Variants in LRP2BP observed in about 807,000 individuals in gnomAD.
The protein encoded by LRP2BP is LRP2 binding protein.
Under a neutral mutation model 45.2 loss-of-function variants are expected in LRP2BP, and 38 were observed. That is an observed-to-expected ratio of 0.84 (90% CI 0.65 to 1.10). The LOEUF (loss-of-function observed/expected upper bound fraction) is 1.10. Among genes scored for constraint, LRP2BP ranks in the 50% least tolerant of loss-of-function variants. LRP2BP has a pLI of 0.00. For missense variants in LRP2BP, 385 were observed against 418.9 expected (o/e 0.92, Z 0.71); for synonymous variants, 153 against 153.9 (o/e 0.99, Z 0.04).
Position 185,367,182 on chromosome 4 carries a change from A to C in LRP2BP, c.1042T>G (p.Ter348GluextTer12), listed in dbSNP as rs780090604. 22 of 1,611,946 alleles carry C rather than the reference A, an allele frequency of 1.4e-5. No homozygotes were observed. The highest frequency in any genetic ancestry group is 1.9e-5 in the Non-Finnish European group (22 of 1,178,582). Residue 348 changes from the stop codon to glutamate (E), a stop_lost, in exon 9 of 9, where the codon TAG (stop) becomes GAG (glutamate). Transcript: ENST00000505916. ...LHSLLIRQRI[*>E] The stretch of plus-strand genomic sequence containing the variant: ...TCTTTGTTGAAATACATTGTGGTCT[A>C]AATTCTTTGACGAATAAGTAAGGAG...
At chr4:185,394,189 A>T (rs1306939198) in intron 1 of LRP2BP, among the ~76,000 whole-genome samples, 2 of 151,426 alleles carry the variant, frequency 1.3e-5, no homozygotes, top group Non-Finnish European at 2.9e-5. Context: ...ACCCGGGAAG[A>T]CGGAGGTTGC....
intron 8 of LRP2BP, among the ~76,000 whole-genome samples, chr4:185,368,759 C>T (rs1444974132): frequency 6.6e-6 from 1 of 150,856 alleles, no homozygotes; most frequent in African/African-American, 2.4e-5. Flanking sequence ...TTTCTCCCAT[C>T]GTATGGAAAA....
chr4:185,390,163 T>C (rs894716202), intron 1 of LRP2BP, among the ~76,000 whole-genome samples: 1 of 152,188 alleles, frequency 6.6e-6, no homozygotes, highest in Non-Finnish European at 1.5e-5. Flanking sequence ...TTGAAAGCAT[T>C]CATTTTCTTA....
chr4:185,377,135 A>G, intron 2 of LRP2BP, 117 bp from the exon 3 acceptor site: 1 of 766,604 alleles, frequency 1.3e-6, no homozygotes, highest in Non-Finnish European at 2.2e-6. Flanking sequence ...TCTAGTGCTC[A>G]TTCCTACAAC....
At chr4:185,379,061 G>A (rs935931570) in intron 1 of LRP2BP, 1 of 747,198 alleles carries the variant, frequency 1.3e-6, no homozygotes, top group Non-Finnish European at 1.6e-6. Flanking sequence ...ATTTAGTAGG[G>A]GAAAAAAATC....
At chr4:185,372,792 T>A in intron 7 of LRP2BP, 64 bp downstream of exon 7, 1 of 1,354,998 alleles carries the variant, frequency 7.4e-7, no homozygotes, top group Non-Finnish European at 1.0e-6. Context: ...AATTTCTGTT[T>A]CTCATAAATT....
At chr4:185,378,532 C>T (rs2095445822) in intron 1 of LRP2BP, 2 of 1,045,198 alleles carry the variant, frequency 1.9e-6, no homozygotes, top group Non-Finnish European at 2.3e-6. Flanking sequence ...CTTAGTGGGA[C>T]CTGGTGACAC....
chr4:185,377,133 T>C (rs1358394268), intron 2 of LRP2BP, 115 bp from the exon 3 acceptor site: 9 of 771,566 alleles, frequency 1.2e-5, no homozygotes, highest in Non-Finnish European at 2.0e-5. Flanking sequence ...TTTCTAGTGC[T>C]CATTCCTACA....
At position 185,365,945 on chromosome 4, in the gene LRP2BP, T is replaced by C. The variant is rs917341567; in HGVS notation, c.*1235A>G. The C allele has an allele frequency of 2.6e-5, 4 of 152,202 alleles. No individual in the cohort carries two copies. Among genetic ancestry groups the C allele is most frequent in the African/African-American group, 9.7e-5 (4 of 41,448 alleles). 9.4% of individuals were successfully genotyped at this position (152,202 alleles called of 1,614,324 possible). The stretch of plus-strand genomic sequence containing the variant: ...CAGAACATAAAACGAGAGCAAATAC[T>C]TTTCTGCCATTCAACAGTTCTTAGT... On this transcript the variant is annotated 3_prime_UTR_variant, in exon 9 of 9. Transcript: ENST00000505916.
intron 1 of LRP2BP, among the ~76,000 whole-genome samples, chr4:185,385,916 G>GGT (rs758927819): frequency 2.9e-5 from 4 of 138,116 alleles, no homozygotes; most frequent in Admixed American, 7.2e-5. Flanking sequence ...GGGGGGGGGG[G>GGT]AGATAAAGAA....
chr4:185,384,565 T>A (rs940659426), intron 1 of LRP2BP, among the ~76,000 whole-genome samples: 17 of 151,516 alleles, frequency 1.1e-4, no homozygotes, highest in African/African-American at 4.1e-4. Flanking sequence ...AATGAAATAA[T>A]GAATAGCTGT....
chr4:185,386,636 C>T (rs923438577), intron 1 of LRP2BP, among the ~76,000 whole-genome samples: 2 of 152,170 alleles, frequency 1.3e-5, no homozygotes, highest in Non-Finnish European at 2.9e-5. Context: ...CAAGCTGCAT[C>T]CTCACTAGTC....
intron 1 of LRP2BP, among the ~76,000 whole-genome samples, chr4:185,392,113 C>G (rs1324464972): frequency 1.3e-5 from 2 of 152,170 alleles, no homozygotes; most frequent in Non-Finnish European, 2.9e-5. Flanking sequence ...AACTTTCTAC[C>G]TTTTTCTCTA....
chr4:185,396,293 C>G (rs1263404924), upstream of LRP2BP: 1 of 152,240 alleles, frequency 6.6e-6, no homozygotes, highest in Non-Finnish European at 1.5e-5. Context: ...TCCCCGGCGC[C>G]GAGGCGGCAG....
rs143371051 is a variant in LRP2BP, at chr4:185,391,889, T to G, written c.-22+2890A>C. 1.9e-3 allele frequency among the ~76,000 whole-genome samples: 283 copies of G among 152,350 alleles called. 1 individual carries two copies. The highest frequency in any genetic ancestry group is 6.3e-3 in the African/African-American group (261 of 41,578). On this transcript the variant is annotated intron_variant, in intron 1 of 8. Transcript: ENST00000505916. ...TCACAGCAGGCAGAGCTAGGACATA[T>G]GTATATGCATAACCCATGTATACAC...
chr4:185,374,490 C>T, intron 4 of LRP2BP, 29 bp from the exon 5 acceptor site: 1 of 1,602,652 alleles, frequency 6.2e-7, no homozygotes, highest in Non-Finnish European at 8.5e-7. Context: ...CAAAAAAACC[C>T]TAGTTTTTAG....
chr4:185,367,070 C>A lies in LRP2BP; in HGVS notation c.*110G>T. ...GAAGTAACATGTCACCTGTAAAATACCCAGGATAGTGTAATTTGTGATGTG... is the reference window on the plus strand; with the variant it reads ...GAAGTAACATGTCACCTGTAAAATAACCAGGATAGTGTAATTTGTGATGTG... On this transcript the variant is annotated 3_prime_UTR_variant, in exon 9 of 9. Transcript: ENST00000505916. 1.0e-6 allele frequency: 1 copy of A among 961,170 alleles called. No individual in the cohort carries two copies. The highest frequency in any genetic ancestry group is 1.6e-6 in the Non-Finnish European group (1 of 618,878). The allele number at this position is 961,170 out of a possible 1,614,324, so 59.5% of individuals were successfully genotyped here. A position where few individuals can be genotyped will look rare whatever the true frequency, so the allele number is the denominator to read the frequency against.
chr4:185,385,355 A>C (rs1191425008), intron 1 of LRP2BP, among the ~76,000 whole-genome samples: 1 of 152,178 alleles, frequency 6.6e-6, no homozygotes, highest in African/African-American at 2.4e-5. Flanking sequence ...AGAATTCCTT[A>C]AAGTATGTGA....
In LRP2BP at chr4:185,370,742, G is replaced by C. The variant is rs764271343; in HGVS notation, c.876C>G (p.Ile292Met). 1 of 1,614,082 alleles carries C rather than the reference G, an allele frequency of 6.2e-7. No individual in the cohort carries two copies. The highest frequency in any genetic ancestry group is 8.5e-7 in the Non-Finnish European group (1 of 1,180,034). ...AGGATGCCATTGCCATGCCTCTGCC[G>C]ATGAACTCCGGGAGACAGTCTGTGA... ...AQVTDCLPEF[I>M]GRGMAMASFY... The change falls in exon 8 of 9, where the codon ATC (isoleucine) becomes ATG (methionine). Residue 292 changes from isoleucine to methionine, a missense_variant. Ile to Met is a conservative substitution (Grantham distance 10, BLOSUM62 1). Transcript: ENST00000505916.
Sources: allele counts gnomAD v4.1 joint callset (sites outside exome capture counted in the v4.1 genomes callset), GRCh38; gene constraint gnomAD v4.1.1; transcripts MANE v1.5; gene names NCBI Gene and HGNC (gene_info 2026-07-23, HGNC 2026-07-21).